Variants in HEMK2 observed in about 807,000 individuals in gnomAD.
HEMK2 encodes methyltransferase HEMK2.
At chr21:28,766,724 G>T in the HEMK2 span, among the ~76,000 whole-genome samples, 1 of 152,068 alleles carries the variant, frequency 6.6e-6, no homozygotes, top group East Asian at 1.9e-4. Context: ...AGAGCTGGAG[G>T]CCACTATCTT....
At chr21:28,721,592 C>A in the HEMK2 span, among the ~76,000 whole-genome samples, 1 of 151,896 alleles carries the variant, frequency 6.6e-6, no homozygotes, top group Non-Finnish European at 1.5e-5. Flanking sequence ...AAATAAACAG[C>A]TGAATTGGGA....
chr21:28,602,443 A>G, the HEMK2 span, among the ~76,000 whole-genome samples: 1 of 152,172 alleles, frequency 6.6e-6, no homozygotes, highest in African/African-American at 2.4e-5. Flanking sequence ...TGTATTCTAC[A>G]TTTTGTGCAT....
chr21:28,816,289 T>C, the HEMK2 span, among the ~76,000 whole-genome samples: 2 of 152,182 alleles, frequency 1.3e-5, no homozygotes, highest in African/African-American at 4.8e-5. Flanking sequence ...AAAAACAAAC[T>C]AAATAGTTTG....
chr21:28,701,482 T>C, the HEMK2 span, among the ~76,000 whole-genome samples: 2 of 151,280 alleles, frequency 1.3e-5, no homozygotes, highest in African/African-American at 2.4e-5. Context: ...ATCAGTATCA[T>C]TCCTATACAC....
At chr21:28,711,746 C>T in the HEMK2 span, among the ~76,000 whole-genome samples, 7 of 152,226 alleles carry the variant, frequency 4.6e-5, no homozygotes, top group East Asian at 5.8e-4. Context: ...GGATTCATCT[C>T]GGCAGAAGTG....
the HEMK2 span, among the ~76,000 whole-genome samples, chr21:28,773,356 T>C: frequency 6.6e-6 from 1 of 152,162 alleles, no homozygotes; most frequent in Non-Finnish European, 1.5e-5. Flanking sequence ...GCAACTCTCA[T>C]TATCAACTAA....
At chr21:28,674,561 C>T in the HEMK2 span, 2 of 152,190 alleles carry the variant, frequency 1.3e-5, no homozygotes, top group Non-Finnish European at 2.9e-5. Flanking sequence ...ATGGAAGGCT[C>T]ACTTCATGAT....
the HEMK2 span, among the ~76,000 whole-genome samples, chr21:28,862,500 G>A: frequency 6.9e-5 from 10 of 145,478 alleles, no homozygotes; most frequent in South Asian, 2.1e-4. Context: ...TTAGCCTGGC[G>A]CGGTGGCGGG....
At chr21:28,771,132 T>C in the HEMK2 span, among the ~76,000 whole-genome samples, 4 of 152,168 alleles carry the variant, frequency 2.6e-5, no homozygotes, top group African/African-American at 9.6e-5. Flanking sequence ...TCCCATTTTA[T>C]AGGCAAGGAT....
At chr21:28,690,579 T>C in the HEMK2 span, among the ~76,000 whole-genome samples, 1 of 152,092 alleles carries the variant, frequency 6.6e-6, no homozygotes, top group African/African-American at 2.4e-5. Context: ...GCCCTTGACA[T>C]CCTCACCTGA....
the HEMK2 span, among the ~76,000 whole-genome samples, chr21:28,878,602 T>A: frequency 6.6e-6 from 1 of 150,988 alleles, no homozygotes; most frequent in Non-Finnish European, 1.5e-5. Context: ...AAATAATAAG[T>A]GGATAAAAAA....
chr21:28,766,407 G>T, the HEMK2 span, among the ~76,000 whole-genome samples: 1 of 151,190 alleles, frequency 6.6e-6, no homozygotes, highest in Non-Finnish European at 1.5e-5. Flanking sequence ...CTGCTGGTGG[G>T]AGTGTAAATT....
At chr21:28,688,570 T>C in the HEMK2 span, among the ~76,000 whole-genome samples, 1 of 151,848 alleles carries the variant, frequency 6.6e-6, no homozygotes, top group East Asian at 1.9e-4. Flanking sequence ...GGATCTAGGA[T>C]GACACATACT....
At chr21:28,648,210 G>C in the HEMK2 span, among the ~76,000 whole-genome samples, 2 of 152,326 alleles carry the variant, frequency 1.3e-5, no homozygotes, top group East Asian at 3.9e-4. Flanking sequence ...AAGATGCTCA[G>C]ATTGCTCCTG....
At chr21:28,652,247 G>C in the HEMK2 span, among the ~76,000 whole-genome samples, 4 of 151,986 alleles carry the variant, frequency 2.6e-5, no homozygotes, top group Non-Finnish European at 5.9e-5. Context: ...ATTTTATTTA[G>C]GCATTCACTC....
chr21:28,798,343 TG>T, the HEMK2 span, among the ~76,000 whole-genome samples: 1 of 152,150 alleles, frequency 6.6e-6, no homozygotes, highest in Non-Finnish European at 1.5e-5. Flanking sequence ...CCCTGTGGCC[TG>T]GGGCAATTTA....
chr21:28,828,168 G>A, the HEMK2 span, among the ~76,000 whole-genome samples: 5 of 151,878 alleles, frequency 3.3e-5, no homozygotes, highest in Admixed American at 1.3e-4. Flanking sequence ...TGATATAAGC[G>A]TAAGACCCAC....
chr21:28,862,605 G>A, the HEMK2 span, among the ~76,000 whole-genome samples: 5 of 121,356 alleles, frequency 4.1e-5, 1 homozygote, highest in African/African-American at 1.6e-4. Context: ...CGCCACTGCA[G>A]TCCGCAGTCC....
chr21:28,682,499 C>T, the HEMK2 span, among the ~76,000 whole-genome samples: 1 of 151,610 alleles, frequency 6.6e-6, no homozygotes, highest in African/African-American at 2.4e-5. Context: ...TGTGGCGATT[C>T]CTCAGGGATC....
Sources: gnomAD v4.1 joint callset for allele counts (sites outside exome capture counted in the v4.1 genomes callset) on GRCh38, gnomAD v4.1.1 for gene constraint, MANE v1.5 for transcripts, NCBI Gene and HGNC (gene_info 2026-07-23, HGNC 2026-07-21) for gene names.